Variants in EXOC2 observed in about 807,000 individuals in gnomAD.
EXOC2 encodes exocyst complex component 2.
EXOC2 carries 70 observed loss-of-function variants against 131.8 expected under a neutral mutation model. That is an observed-to-expected ratio of 0.53 (90% confidence interval 0.44 to 0.65). The LOEUF is 0.65. Ranked by LOEUF, EXOC2 falls within the 30% of genes least tolerant of loss-of-function variation. The pLI, the probability that EXOC2 is intolerant of heterozygous loss-of-function variation, is 0.00. For synonymous variants in EXOC2, 411 were observed against 398.4 expected (o/e 1.03, Z -0.38); for missense variants, 923 against 1,108.6 (o/e 0.83, Z 2.38).
chr6:689,084 A>C (rs1222477105), intron 1 of EXOC2: 1 of 152,226 alleles, frequency 6.6e-6, no homozygotes, highest in Non-Finnish European at 1.5e-5. Flanking sequence ...CTGAGTGCTT[A>C]AGATGTGCCG....
intron 4 of EXOC2, among the ~76,000 whole-genome samples, chr6:623,694 A>G (rs1421968594): frequency 6.6e-6 from 1 of 152,152 alleles, no homozygotes; most frequent in Admixed American, 6.5e-5. Context: ...GGGAGAGATC[A>G]ACCACCATAA....
intron 21 of EXOC2, among the ~76,000 whole-genome samples, chr6:552,833 A>G (rs983407246): frequency 1.3e-5 from 2 of 152,094 alleles, no homozygotes; most frequent in Non-Finnish European, 2.9e-5. Flanking sequence ...TTTGGGTCAA[A>G]CAGTTTTACC....
chr6:559,843 T>C (rs982308839), intron 17 of EXOC2, among the ~76,000 whole-genome samples: 1 of 152,216 alleles, frequency 6.6e-6, no homozygotes, highest in African/African-American at 2.4e-5. Flanking sequence ...TCAGAGTTAC[T>C]GAATTGATGG....
chr6:571,567 CACTT>C (rs1758278631), intron 13 of EXOC2, among the ~76,000 whole-genome samples: 1 of 152,200 alleles, frequency 6.6e-6, no homozygotes, highest in Non-Finnish European at 1.5e-5. Context: ...GGTACTCTGA[CACTT>C]AGCCACTTTC....
intron 7 of EXOC2, among the ~76,000 whole-genome samples, chr6:607,913 C>T (rs932696235): frequency 1.3e-4 from 19 of 151,966 alleles, no homozygotes; most frequent in Non-Finnish European, 1.9e-4. Flanking sequence ...AATAAATGAC[C>T]TAAGTTTCCT....
intron 23 of EXOC2, among the ~76,000 whole-genome samples, chr6:523,262 A>C (rs934744825): frequency 6.6e-6 from 1 of 152,214 alleles, no homozygotes; most frequent in Admixed American, 6.5e-5. Flanking sequence ...CACTCTTGAG[A>C]TCAGTACCCT....
chr6:617,427 G>A (rs1254244822), intron 6 of EXOC2, among the ~76,000 whole-genome samples: 2 of 152,258 alleles, frequency 1.3e-5, no homozygotes, highest in African/African-American at 4.8e-5. Context: ...TGTGCATTGG[G>A]ATTTAATTTC....
chr6:550,353 A>T (rs1431666950), intron 21 of EXOC2, among the ~76,000 whole-genome samples: 1 of 152,238 alleles, frequency 6.6e-6, no homozygotes, highest in South Asian at 2.1e-4. Context: ...AGAGTATTTT[A>T]TATCTCCCAA....
At chr6:637,897 CT>C (rs778528515) in intron 1 of EXOC2, 36 bp from the exon 2 acceptor site, 14 of 1,271,268 alleles carry the variant, frequency 1.1e-5, no homozygotes, top group African/African-American at 1.5e-5. Flanking sequence ...TTAGTACCAA[CT>C]GAGACAAGCA....
intron 1 of EXOC2, among the ~76,000 whole-genome samples, chr6:684,253 G>C (rs1764544252): frequency 6.6e-6 from 1 of 152,166 alleles, no homozygotes; most frequent in Non-Finnish European, 1.5e-5. Flanking sequence ...CAGCTGGAGA[G>C]AGTGATGTGT....
chr6:532,890 A>G (rs553901148), intron 22 of EXOC2, among the ~76,000 whole-genome samples: 93 of 152,344 alleles, frequency 6.1e-4, no homozygotes, highest in African/African-American at 2.1e-3. Context: ...TATAAAAGAA[A>G]GAAGTTTAAT....
rs559150457 is a variant in EXOC2 at position 592,672 on chromosome 6, CAATT to C, written c.1074-89_1074-86del. The C allele has an allele frequency of 1.2e-4, 112 of 927,802 alleles. 1 individual carries two copies. The East Asian group carries it at 2.7e-3, about 22-fold the overall frequency. The allele number at this position is 927,802 out of a possible 1,614,324, so 57.5% of individuals were successfully genotyped here. ...TACTTTTTAAAGGCTAAAATTTTAT[CAATT>C]AGTCTTGTGCCCTGTCAAATATTAG... On this transcript the variant is annotated intron_variant, in intron 10 of 27. Coordinates refer to ENST00000230449, the MANE Select transcript of EXOC2 (RefSeq NM_018303.6).
intron 11 of EXOC2, 83 bp from the exon 12 acceptor site, chr6:576,965 G>T: frequency 7.5e-7 from 1 of 1,327,286 alleles, no homozygotes; most frequent in Non-Finnish European, 1.0e-6. Context: ...CTGCTTCTCT[G>T]AGGCTATTTC....
At chr6:491,558 C>T (rs776058133) in intron 25 of EXOC2, among the ~76,000 whole-genome samples, 1 of 152,240 alleles carries the variant, frequency 6.6e-6, no homozygotes, top group Non-Finnish European at 1.5e-5. Flanking sequence ...TGAAAGGGCC[C>T]GTGTCCCACA....
At chr6:576,263 T>C (rs1758571362) in intron 12 of EXOC2, among the ~76,000 whole-genome samples, 1 of 152,204 alleles carries the variant, frequency 6.6e-6, no homozygotes, top group Non-Finnish European at 1.5e-5. Flanking sequence ...AAATATCCAC[T>C]CCAGAAAGTT....
chr6:687,758 T>C (rs577796038), intron 1 of EXOC2, among the ~76,000 whole-genome samples: 1 of 152,240 alleles, frequency 6.6e-6, no homozygotes, highest in East Asian at 1.9e-4. Context: ...TTCAGGAGAG[T>C]GATCGTAGCT....
intron 1 of EXOC2, among the ~76,000 whole-genome samples, chr6:685,830 G>A (rs936803060): frequency 3.4e-5 from 5 of 147,772 alleles, no homozygotes; most frequent in Non-Finnish European, 7.4e-5. Context: ...GGGGAGGACT[G>A]AACAGGTAAG....
In EXOC2 at chr6:632,927, A is replaced by T; in HGVS notation, c.295+14T>A. ...TTACTTTCTTCTTTAGAATAAACCC[A>T]TGAAAGACTTTACCTATTTTCTCAG... On this transcript the variant is annotated intron_variant, in intron 3 of 27. Transcript: ENST00000230449. The T allele has an allele frequency of 6.2e-7, 1 of 1,600,436 alleles. No homozygotes were observed. The highest frequency in any genetic ancestry group is 8.5e-7 in the Non-Finnish European group (1 of 1,173,092).
intron 11 of EXOC2, among the ~76,000 whole-genome samples, chr6:592,090 G>A (rs1435109661): frequency 6.6e-6 from 1 of 151,930 alleles, no homozygotes; most frequent in Non-Finnish European, 1.5e-5. Context: ...TCCTCTAGCG[G>A]TAACTCTGGG....
Sources: gnomAD v4.1 joint callset for allele counts (sites outside exome capture counted in the v4.1 genomes callset) on GRCh38, gnomAD v4.1.1 for gene constraint, MANE v1.5 for transcripts, NCBI Gene and HGNC (gene_info 2026-07-23, HGNC 2026-07-21) for gene names.